MYO5B: variants seen among roughly 807,000 people sequenced by gnomAD.
MYO5B encodes unconventional myosin-Vb.
In MYO5B, 143 loss-of-function variants were observed where a neutral mutation model predicts 229.3. That is an observed-to-expected ratio of 0.62 (90% CI 0.54 to 0.72). MYO5B has a LOEUF of 0.72. MYO5B is among the 30% of genes least tolerant of loss of function. The pLI is 0.00. For synonymous variants in MYO5B, 918 were observed against 885.2 expected (o/e 1.04, Z -0.66); for missense variants, 2,321 against 2,331.0 (o/e 1.00, Z 0.09).
intron 14 of MYO5B, among the ~76,000 whole-genome samples, chr18:49,948,968 G>A (rs1175018925): frequency 6.6e-6 from 1 of 152,234 alleles, no homozygotes; most frequent in Non-Finnish European, 1.5e-5. Flanking sequence ...ATTCAGAGGT[G>A]GATGAGTTTG....
At chr18:50,185,720 C>T (rs751055340) in intron 1 of MYO5B, among the ~76,000 whole-genome samples, 16 of 152,154 alleles carry the variant, frequency 1.1e-4, no homozygotes, top group African/African-American at 1.2e-4. Flanking sequence ...TGCTCATCAG[C>T]ATGGGAATGG....
chr18:50,181,450 G>A (rs537917599), intron 1 of MYO5B, among the ~76,000 whole-genome samples: 3 of 152,184 alleles, frequency 2.0e-5, no homozygotes, highest in Non-Finnish European at 4.4e-5. Context: ...GTCCACAATA[G>A]CAAGATAGTC....
chr18:50,006,148 G>C lies in MYO5B; in HGVS notation c.456-4737C>G, dbSNP rs16951391. Among the ~76,000 whole-genome samples, 428 of 152,250 alleles carry C rather than the reference G, an allele frequency of 2.8e-3. 4 individuals carry two copies. The highest frequency in any genetic ancestry group is 9.6e-3 in the African/African-American group (400 of 41,534). On this transcript the variant is annotated intron_variant, in intron 4 of 39. Transcript: ENST00000285039. ...TACCTTTGACATTTGATGATCCTCT[G>C]ACTAAAATCCTAACAGGAAGTAGGG...
intron 5 of MYO5B, among the ~76,000 whole-genome samples, chr18:49,995,254 A>AT (rs1283552869): frequency 2.0e-5 from 2 of 101,992 alleles, no homozygotes; most frequent in African/African-American, 7.5e-5. Flanking sequence ...CCTCACTTAT[A>AT]TCCTTTTTTT....
At chr18:50,048,144 T>C (rs2030290238) in intron 2 of MYO5B, among the ~76,000 whole-genome samples, 1 of 152,012 alleles carries the variant, frequency 6.6e-6, no homozygotes, top group Non-Finnish European at 1.5e-5. Flanking sequence ...TAATGACTGT[T>C]CTGCTGTGTC....
At chr18:50,063,211 C>G (rs1032686133) in intron 1 of MYO5B, among the ~76,000 whole-genome samples, 1 of 152,174 alleles carries the variant, frequency 6.6e-6, no homozygotes, top group Non-Finnish European at 1.5e-5. Flanking sequence ...TCCTCCTCCC[C>G]CAGCGGCGAG....
intron 4 of MYO5B, among the ~76,000 whole-genome samples, chr18:50,027,498 G>A (rs1360611767): frequency 6.6e-6 from 1 of 152,166 alleles, no homozygotes; most frequent in African/African-American, 2.4e-5. Context: ...GCTTGACCCG[G>A]GTGAAGCTAG....
rs1342870780 is a variant in MYO5B at position 49,853,475 on chromosome 18, T to C, written c.4195A>G (p.Ile1399Val). 1.2e-6 allele frequency: 2 copies of C among 1,614,124 alleles called. No individual in the cohort carries two copies. The highest frequency in any genetic ancestry group is 1.1e-5 in the South Asian group (1 of 91,064). Residue 1399 changes from isoleucine (I) to valine (V), a missense_variant, in exon 31 of 40, where the codon ATA becomes GTA. Ile to Val is a conservative substitution (Grantham distance 29). Around this residue, in one of 2 missense-constraint regions of MYO5B, gnomAD observed 2,113 missense variants for 2,044.7 expected, o/e 1.03. Transcript: ENST00000285039. ...AGATTCTCGTTGGTCAGCCGGGATA[T>C]TTCCTGCTGAACGCCGAATTCCACC... The part of the protein sequence containing the change: ...AQVEFGVQQE[I>V]SRLTNENLDL...
chr18:50,008,804 A>G (rs1236807235), intron 4 of MYO5B, among the ~76,000 whole-genome samples: 8 of 152,222 alleles, frequency 5.3e-5, no homozygotes, highest in Non-Finnish European at 1.0e-4. Context: ...TAGGTGTGTC[A>G]ACAGAATATA....
At chr18:49,853,735 G>A in intron 30 of MYO5B, 88 bp from the exon 31 acceptor site, 2 of 1,244,032 alleles carry the variant, frequency 1.6e-6, no homozygotes, top group African/African-American at 1.5e-5. Context: ...CAGGGGAGCA[G>A]CCAAGCACAC....
chr18:49,867,794 T>C (rs999406069), intron 27 of MYO5B, among the ~76,000 whole-genome samples: 1 of 152,160 alleles, frequency 6.6e-6, no homozygotes, highest in Admixed American at 6.5e-5. Context: ...GTAAAACTGA[T>C]CCGTGTTCCA....
chr18:49,930,445 A>G (rs1441263501), intron 16 of MYO5B, among the ~76,000 whole-genome samples: 1 of 152,238 alleles, frequency 6.6e-6, no homozygotes, highest in Admixed American at 6.5e-5. Context: ...TGAGTATGGC[A>G]GTGTAGAATA....
rs371929045 is a variant in MYO5B at position 49,841,515 on chromosome 18, C to T, written c.4612-61G>A. The T allele has an allele frequency of 3.8e-5, 54 of 1,421,442 alleles. No homozygotes were observed. The Middle Eastern group carries it at 5.3e-4, about 14-fold the overall frequency. 88.1% of individuals were successfully genotyped at this position (1,421,442 alleles called of 1,614,324 possible). ...GCTCCCATCTGGTGAAATGCTTCCT[C>T]GGTACCTCTTTCCCCACATTTCCTA... On this transcript the variant is annotated intron_variant, in intron 34 of 39. Coordinates refer to ENST00000285039, the MANE Select transcript of MYO5B (RefSeq NM_001080467.3).
At chr18:50,126,745 T>G (rs553835071) in intron 1 of MYO5B, among the ~76,000 whole-genome samples, 1 of 152,322 alleles carries the variant, frequency 6.6e-6, no homozygotes, top group East Asian at 1.9e-4. Flanking sequence ...CAATGCATTT[T>G]CACACCATCT....
At chr18:50,080,421 A>G (rs983496522) in intron 1 of MYO5B, among the ~76,000 whole-genome samples, 14 of 152,066 alleles carry the variant, frequency 9.2e-5, no homozygotes, top group Non-Finnish European at 2.1e-4. Flanking sequence ...CTCTACGCCA[A>G]TTTCTCTCCC....
At position 49,830,084 on chromosome 18, in the gene MYO5B, G is replaced by T. The variant is rs1046904805; in HGVS notation, c.5395-3461C>A. 4.6e-5 allele frequency among the ~76,000 whole-genome samples: 7 copies of T among 151,748 alleles called. No individual in the cohort carries two copies. In the East Asian group the frequency reaches 1.4e-3, roughly 29 times the overall value. ...TATACAAGAAAAGAGATAAGAGGCA[G>T]CCAATTTAAAATGATCCTCTTGCAG... On this transcript the variant is annotated intron_variant, in intron 39 of 39. Transcript: ENST00000285039.
intron 4 of MYO5B, among the ~76,000 whole-genome samples, chr18:50,031,999 T>C (rs1289867416): frequency 6.6e-6 from 1 of 152,194 alleles, no homozygotes; most frequent in Non-Finnish European, 1.5e-5. Flanking sequence ...CCAAACTCGT[T>C]TGGCCAACTT....
At position 50,081,381 on chromosome 18, in the gene MYO5B, C is replaced by A. The variant is rs1003617390; in HGVS notation, c.28-26003G>T. On this transcript the variant is annotated intron_variant, in intron 1 of 39. Coordinates refer to ENST00000285039, the MANE Select transcript of MYO5B (RefSeq NM_001080467.3). ...TATTTTTAAATAACCAGCTAACAGC[C>A]AACAAAAGCTAACTGAGGGCTCGGG... Among the ~76,000 whole-genome samples, 3 of 152,140 alleles carry A rather than the reference C, an allele frequency of 2.0e-5. No individual in the cohort carries two copies. The South Asian group carries it at 6.2e-4, about 32-fold the overall frequency.
chr18:50,115,559 C>G (rs1417582200), intron 1 of MYO5B, among the ~76,000 whole-genome samples: 5 of 151,042 alleles, frequency 3.3e-5, no homozygotes, highest in South Asian at 2.1e-4. Flanking sequence ...CACACACACA[C>G]ACACACACAC....
Sources: allele counts gnomAD v4.1 joint callset (sites outside exome capture counted in the v4.1 genomes callset), GRCh38; gene constraint gnomAD v4.1.1; regional missense constraint gnomAD v4.1.1; transcripts MANE v1.5; gene names NCBI Gene and HGNC (gene_info 2026-07-23, HGNC 2026-07-21).